The following CNTLN variants were observed in gnomAD, a reference collection of about 807,000 sequenced individuals.
CNTLN encodes the protein centlein, centrosomal protein.
A neutral mutation model predicts 180.0 loss-of-function variants in CNTLN; 212 were observed. The ratio of observed to expected loss-of-function variants is 1.18; its 90% CI spans 1.05 to 1.32. The LOEUF (loss-of-function observed/expected upper bound fraction) is 1.32. Among genes scored for constraint, CNTLN ranks in the 40% most tolerant of loss-of-function variants. The pLI, the probability that CNTLN is intolerant of heterozygous loss-of-function variation, is 0.00. For missense variants in CNTLN, 2,095 were observed against 1,610.9 expected (o/e 1.30, Z -5.14); for synonymous variants, 722 against 563.1 (o/e 1.28, Z -3.99).
intron 18 of CNTLN, among the ~76,000 whole-genome samples, chr9:17,449,426 C>T (rs981817554): frequency 5.3e-5 from 8 of 151,786 alleles, no homozygotes; most frequent in Middle Eastern, 3.4e-3. Context: ...AGCGCACCAG[C>T]GTGGCACATG....
intron 12 of CNTLN, among the ~76,000 whole-genome samples, chr9:17,364,323 T>C (rs1315047077): frequency 6.6e-6 from 1 of 152,180 alleles, no homozygotes; most frequent in East Asian, 1.9e-4. Flanking sequence ...CTTTACCTCC[T>C]TCTGCTCTCT....
the CNTLN span, among the ~76,000 whole-genome samples, chr9:17,517,470 G>A: frequency 1.3e-5 from 2 of 151,984 alleles, no homozygotes; most frequent in African/African-American, 4.8e-5. Context: ...CTTTGTAGAT[G>A]TATTCAAGTT....
chr9:17,269,307 G>T (rs77810890), intron 5 of CNTLN, among the ~76,000 whole-genome samples: 1 of 151,594 alleles, frequency 6.6e-6, no homozygotes, highest in East Asian at 1.9e-4. Flanking sequence ...GCTAACTTTT[G>T]GTTCAATTTG....
chr9:17,316,912 G>A (rs568642501), intron 8 of CNTLN, among the ~76,000 whole-genome samples: 11 of 152,046 alleles, frequency 7.2e-5, no homozygotes, highest in African/African-American at 2.2e-4. Flanking sequence ...TCCTGTGTAC[G>A]TTTGTTTCTC....
intron 12 of CNTLN, among the ~76,000 whole-genome samples, chr9:17,366,152 G>A (rs116666853): frequency 0.016 from 2,468 of 152,112 alleles, 72 homozygotes; most frequent in African/African-American, 0.057. Context: ...TGGAGACAAG[G>A]GCCTAATCTT....
chr9:17,141,755 T>C (rs1047117151), intron 1 of CNTLN, among the ~76,000 whole-genome samples: 59 of 152,022 alleles, frequency 3.9e-4, no homozygotes, highest in African/African-American at 1.4e-3. Context: ...GTAGGGTTTA[T>C]TGATGATTTG....
At chr9:17,270,403 G>C (rs1827846421) in intron 5 of CNTLN, among the ~76,000 whole-genome samples, 1 of 151,914 alleles carries the variant, frequency 6.6e-6, no homozygotes, top group African/African-American at 2.4e-5. Flanking sequence ...TCTTAATGTG[G>C]TAAATTATAT....
At chr9:17,299,798 A>G in intron 7 of CNTLN, 1 of 984,280 alleles carries the variant, frequency 1.0e-6, no homozygotes, top group Non-Finnish European at 1.2e-6. Flanking sequence ...TTTTTCCCCC[A>G]TTGATGACTT....
At chr9:17,288,068 C>A (rs1829108042) in intron 6 of CNTLN, among the ~76,000 whole-genome samples, 1 of 135,146 alleles carries the variant, frequency 7.4e-6, no homozygotes, top group Non-Finnish European at 1.5e-5. Context: ...TGTGTTTGGT[C>A]TTGCTTTTCT....
chr9:17,303,760 A>C (rs1325927858), intron 7 of CNTLN, among the ~76,000 whole-genome samples: 1 of 152,124 alleles, frequency 6.6e-6, no homozygotes, highest in Non-Finnish European at 1.5e-5. Context: ...AATTTGAATA[A>C]TCTTGCAATA....
At chr9:17,318,585 C>T (rs776551823) in intron 8 of CNTLN, among the ~76,000 whole-genome samples, 5 of 152,154 alleles carry the variant, frequency 3.3e-5, no homozygotes, top group Admixed American at 1.3e-4. Flanking sequence ...TCATGCTTTT[C>T]AGATCTAACC....
intron 23 of CNTLN, among the ~76,000 whole-genome samples, chr9:17,473,936 A>T (rs187449750): frequency 6.6e-6 from 1 of 152,118 alleles, no homozygotes; most frequent in Admixed American, 6.5e-5. Context: ...AGCCTTCCTT[A>T]TGATGTACTA....
chr9:17,268,321 G>C (rs1232120486), intron 5 of CNTLN, among the ~76,000 whole-genome samples: 1 of 152,126 alleles, frequency 6.6e-6, no homozygotes, highest in East Asian at 1.9e-4. Flanking sequence ...TGTTTGCCTG[G>C]GTATCAGCAG....
chr9:17,434,363 A>G (rs950044768), intron 18 of CNTLN, among the ~76,000 whole-genome samples: 1 of 151,986 alleles, frequency 6.6e-6, no homozygotes, highest in African/African-American at 2.4e-5. Context: ...GTTTAGTGCT[A>G]TAAATTTCCC....
intron 12 of CNTLN, among the ~76,000 whole-genome samples, chr9:17,347,605 G>T (rs1312648283): frequency 6.7e-6 from 1 of 149,730 alleles, no homozygotes; most frequent in Non-Finnish European, 1.5e-5. Flanking sequence ...GGAGGTGGAG[G>T]TTGCAGTGAA....
At chr9:17,386,178 G>A (rs1259521550) in intron 13 of CNTLN, among the ~76,000 whole-genome samples, 1 of 151,216 alleles carries the variant, frequency 6.6e-6, no homozygotes, top group Non-Finnish European at 1.5e-5. Context: ...TTAAAAAAAA[G>A]AATCTAAAAG....
rs141795074 is a variant in CNTLN, at chr9:17,269,264, C to G, written c.850-4469C>G. ...TCTATTGTTTTGTTATTTAATTAAC[C>G]ACTACTCTAATCTTTCTTATTTCCT... On this transcript the variant is annotated intron_variant, in intron 5 of 25. Transcript: ENST00000380647. 4.6e-5 allele frequency among the ~76,000 whole-genome samples: 7 copies of G among 152,118 alleles called. No individual in the cohort carries two copies. The East Asian group carries it at 1.4e-3, about 29-fold the overall frequency.
intron 13 of CNTLN, among the ~76,000 whole-genome samples, chr9:17,387,884 T>C (rs1825802230): frequency 6.8e-6 from 1 of 147,256 alleles, no homozygotes; most frequent in Non-Finnish European, 1.5e-5. Context: ...AGAATGAAAA[T>C]AGGAATAAAA....
intron 2 of CNTLN, among the ~76,000 whole-genome samples, chr9:17,179,703 G>A (rs936060902): frequency 3.3e-5 from 5 of 152,110 alleles, no homozygotes; most frequent in African/African-American, 7.2e-5. Context: ...TTGTTGCTGA[G>A]CTCTTCTGTA....
Sources: allele counts gnomAD v4.1 joint callset (sites outside exome capture counted in the v4.1 genomes callset), GRCh38; gene constraint gnomAD v4.1.1; transcripts MANE v1.5; gene names NCBI Gene and HGNC (gene_info 2026-07-23, HGNC 2026-07-21).